Variants in SNTG2 observed in about 807,000 individuals in gnomAD.
SNTG2 encodes the protein gamma-2-syntrophin.
In SNTG2, 74 loss-of-function variants were observed where a neutral mutation model predicts 70.9. That is an observed-to-expected ratio of 1.04 (90% CI 0.86 to 1.27). The LOEUF is 1.27. Ranked by LOEUF, SNTG2 falls within the 50% of genes most tolerant of loss-of-function variation. SNTG2 has a pLI of 0.00. For synonymous variants in SNTG2, 278 were observed against 273.8 expected (o/e 1.02, Z -0.15); for missense variants, 717 against 690.7 (o/e 1.04, Z -0.43).
Position 1,367,328 on chromosome 2 carries a change from G to C in SNTG2, c.1489-15G>C. ...AACAATTATAATAAACACTTGATCT[G>C]ATTTTCTCCTCCAGGAACTCGAGTT... On this transcript the variant is annotated splice_polypyrimidine_tract_variant and intron_variant, in intron 16 of 16. Transcript: ENST00000308624. The C allele has an allele frequency of 2.6e-6, 4 of 1,526,816 alleles. No individual in the cohort carries two copies. Among genetic ancestry groups the C allele is most frequent in the Non-Finnish European group, 3.5e-6 (4 of 1,136,008 alleles). 94.6% of individuals were successfully genotyped at this position (1,526,816 alleles called of 1,614,324 possible).
chr2:1,159,154 T>G (rs374386172), intron 6 of SNTG2, among the ~76,000 whole-genome samples: 197 of 125,324 alleles, frequency 1.6e-3, no homozygotes, highest in African/African-American at 5.5e-3. Flanking sequence ...GTGGGGGGGG[T>G]GTGTGAGTGC....
intron 1 of SNTG2, among the ~76,000 whole-genome samples, chr2:1,031,522 ATATATATTTT>A (rs1660818101): frequency 2.1e-5 from 1 of 47,768 alleles, no homozygotes; most frequent in Non-Finnish European, 4.0e-5. Context: ...ATATATATAT[ATATATATTTT>A]TTTTTTTTTT....
intron 1 of SNTG2, among the ~76,000 whole-genome samples, chr2:1,068,987 C>G (rs1385190357): frequency 6.6e-6 from 1 of 152,150 alleles, no homozygotes; most frequent in Non-Finnish European, 1.5e-5. Context: ...GCTTAAAAGG[C>G]TGAGTAAAAA....
chr2:1,105,792 T>C (rs1666084692), intron 4 of SNTG2, among the ~76,000 whole-genome samples: 1 of 152,140 alleles, frequency 6.6e-6, no homozygotes. Context: ...CCTCACATCC[T>C]GGGTCCCACA....
intron 4 of SNTG2, among the ~76,000 whole-genome samples, chr2:1,116,703 C>T (rs1433432832): frequency 4.2e-5 from 6 of 142,796 alleles, no homozygotes; most frequent in African/African-American, 1.6e-4. Context: ...TGTGGGTGCT[C>T]TGGTGTATGG....
At chr2:956,117 C>G in intron 1 of SNTG2, among the ~76,000 whole-genome samples, 1 of 137,084 alleles carries the variant, frequency 7.3e-6, no homozygotes. Context: ...CCTGCCCTGC[C>G]CCTGCCCATG....
At chr2:1,191,250 A>G (rs1462488581) in intron 8 of SNTG2, among the ~76,000 whole-genome samples, 2 of 152,162 alleles carry the variant, frequency 1.3e-5, no homozygotes, top group Non-Finnish European at 2.9e-5. Flanking sequence ...GCATTCCTCT[A>G]TCCAGCTGGG....
rs569173651 is a variant in SNTG2, at chr2:1,058,110, CTCTTA to C, written c.73-25403_73-25399del. Among the ~76,000 whole-genome samples, 309 of 150,874 alleles carry C rather than the reference CTCTTA, an allele frequency of 2.0e-3. 1 individual carries two copies. Among genetic ancestry groups the C allele is most frequent in the Admixed American group, 2.8e-3 (42 of 14,986 alleles). ...ATATTTGTATCTGCATTCTTTTCTG[CTCTTA>C]TCTTCCTTGTTCATCAGTTGTTGCT... On this transcript the variant is annotated intron_variant, in intron 1 of 16. Transcript: ENST00000308624.
intron 1 of SNTG2, among the ~76,000 whole-genome samples, chr2:1,021,188 T>G (rs1262639550): frequency 6.6e-6 from 1 of 152,174 alleles, no homozygotes; most frequent in Non-Finnish European, 1.5e-5. Flanking sequence ...TTTTTGAGTA[T>G]TATTACATAT....
chr2:1,051,789 G>A (rs1248241221), intron 1 of SNTG2, among the ~76,000 whole-genome samples: 4 of 152,214 alleles, frequency 2.6e-5, no homozygotes, highest in Admixed American at 6.5e-5. Context: ...CTTCAAAGAC[G>A]GCAGCACCCC....
chr2:1,330,311 A>G (rs1350902864), intron 16 of SNTG2, among the ~76,000 whole-genome samples: 1 of 152,240 alleles, frequency 6.6e-6, no homozygotes, highest in Non-Finnish European at 1.5e-5. Flanking sequence ...AGCTAAGTGC[A>G]TCCTCTGAGG....
At chr2:1,363,188 G>C (rs185904845) in intron 16 of SNTG2, among the ~76,000 whole-genome samples, 2 of 145,990 alleles carry the variant, frequency 1.4e-5, no homozygotes, top group East Asian at 4.1e-4. Context: ...TACCACAAAA[G>C]ACCCTGGCAA....
chr2:1,071,123 T>C (rs1313862754), intron 1 of SNTG2, among the ~76,000 whole-genome samples: 1 of 152,190 alleles, frequency 6.6e-6, no homozygotes, highest in Non-Finnish European at 1.5e-5. Flanking sequence ...TTGTCTCACT[T>C]CTACCTTAAA....
chr2:1,175,700 C>G (rs1671428568), intron 8 of SNTG2, among the ~76,000 whole-genome samples: 1 of 152,304 alleles, frequency 6.6e-6, no homozygotes. Flanking sequence ...CAAGCCAGCA[C>G]AGTTCAGCAG....
At chr2:1,091,774 C>T (rs1665045776) in intron 2 of SNTG2, among the ~76,000 whole-genome samples, 1 of 152,082 alleles carries the variant, frequency 6.6e-6, no homozygotes, top group African/African-American at 2.4e-5. Flanking sequence ...AACTCTAATC[C>T]CAGGATATTG....
intron 16 of SNTG2, among the ~76,000 whole-genome samples, chr2:1,317,633 T>A (rs1484426436): frequency 1.9e-5 from 2 of 105,256 alleles, no homozygotes; most frequent in African/African-American, 7.1e-5. Context: ...CAGGTCAGCA[T>A]TGGAGAAGGT....
intron 9 of SNTG2, among the ~76,000 whole-genome samples, chr2:1,211,775 C>T (rs370022327): frequency 6.6e-6 from 1 of 152,102 alleles, no homozygotes; most frequent in Admixed American, 6.6e-5. Context: ...TCCCATGACA[C>T]GTGGGAATTA....
chr2:1,258,007 C>T (rs1558605602), intron 12 of SNTG2, among the ~76,000 whole-genome samples: 2 of 152,068 alleles, frequency 1.3e-5, no homozygotes, highest in Non-Finnish European at 1.5e-5. Context: ...ATTGTCCTAA[C>T]TGGGAAAGAT....
At chr2:954,790 G>A (rs557916786) in intron 1 of SNTG2, among the ~76,000 whole-genome samples, 9 of 152,160 alleles carry the variant, frequency 5.9e-5, no homozygotes, top group Admixed American at 2.6e-4. Flanking sequence ...GGACCGTGCT[G>A]CTTCTTCACC....
Sources: gnomAD v4.1 joint callset for allele counts (sites outside exome capture counted in the v4.1 genomes callset) on GRCh38, gnomAD v4.1.1 for gene constraint, MANE v1.5 for transcripts, NCBI Gene and HGNC (gene_info 2026-07-23, HGNC 2026-07-21) for gene names.